The following LRBA variants were observed in gnomAD, a reference collection of about 807,000 sequenced individuals.
The protein encoded by LRBA is lipopolysaccharide-responsive and beige-like anchor protein.
LRBA carries 176 observed loss-of-function variants against 330.0 expected under a neutral mutation model. The observed-to-expected ratio is 0.53, with a 90% CI of 0.47 to 0.60. LRBA has a LOEUF of 0.60. Ranked by LOEUF, LRBA falls within the 20% of genes least tolerant of loss-of-function variation. The pLI is 0.00. For missense variants in LRBA, 3,259 were observed against 3,444.8 expected (o/e 0.95, Z 1.35); for synonymous variants, 1,230 against 1,193.0 (o/e 1.03, Z -0.64).
intron 2 of LRBA, among the ~76,000 whole-genome samples, chr4:150,947,342 G>C (rs1281822575): frequency 6.6e-6 from 1 of 151,548 alleles, no homozygotes; most frequent in African/African-American, 2.4e-5. Context: ...CCATGGCCAA[G>C]TAGATTTTAT....
In LRBA at chr4:150,798,141, A is replaced by G; in HGVS notation, c.5520T>C (p.Ser1840=). 1.3e-6 allele frequency: 2 copies of G among 1,595,310 alleles called. No individual in the cohort carries two copies. Among genetic ancestry groups the G allele is most frequent in the Non-Finnish European group, 1.7e-6 (2 of 1,163,026 alleles). ...HGQELLIEGT[S]LVCMKSSSSV... is the part of the protein sequence containing the mutation. Reference sequence around the variant, plus strand: ...AACTACTCGACTTCATGCAAACCAGACCTATTTTAAAGAGAATTTTAAAAA... The same window carrying G: ...AACTACTCGACTTCATGCAAACCAGGCCTATTTTAAAGAGAATTTTAAAAA... Residue 1840 remains serine, a splice_region_variant and synonymous_variant, in exon 34 of 57, where the codon AGT becomes AGC. Transcript: ENST00000651943.
chr4:150,839,813 C>A (rs945907522), intron 28 of LRBA, among the ~76,000 whole-genome samples: 1 of 151,740 alleles, frequency 6.6e-6, no homozygotes, highest in Admixed American at 6.6e-5. Context: ...GTGCAGCACA[C>A]CAACATGGCA....
Position 150,908,327 on chromosome 4 carries a change from C to G in LRBA, c.1493+7G>C, listed in dbSNP as rs755448994. The G allele has an allele frequency of 6.2e-7, 1 of 1,603,460 alleles. No homozygotes were observed. Among genetic ancestry groups the G allele is most frequent in the South Asian group, 1.1e-5 (1 of 87,944 alleles). The stretch of plus-strand genomic sequence containing the variant: ...AGCCAATTAAAGAAACAAATAAAGG[C>G]ACTCACCATATAGTCAAATCAATCT... On this transcript the variant is annotated splice_region_variant and intron_variant, in intron 11 of 56. Transcript: ENST00000651943.
chr4:150,514,941 C>T (rs533121182), intron 40 of LRBA, among the ~76,000 whole-genome samples: 10 of 152,224 alleles, frequency 6.6e-5, no homozygotes, highest in South Asian at 6.2e-4. Flanking sequence ...AGGTAATTTC[C>T]CACAGAACAG....
intron 37 of LRBA, among the ~76,000 whole-genome samples, chr4:150,658,364 A>G (rs190703639): frequency 6.6e-6 from 1 of 151,168 alleles, no homozygotes; most frequent in Admixed American, 6.6e-5. Flanking sequence ...CAAGCCAAAA[A>G]AAAAAAAAAC....
At chr4:150,925,925 A>G (rs2149503169) in intron 4 of LRBA, among the ~76,000 whole-genome samples, 1 of 152,328 alleles carries the variant, frequency 6.6e-6, no homozygotes, top group Non-Finnish European at 1.5e-5. Context: ...ATCAAACAAA[A>G]ACAGTTTTCA....
At chr4:150,421,855 C>A (rs1748844284) in intron 46 of LRBA, among the ~76,000 whole-genome samples, 1 of 152,086 alleles carries the variant, frequency 6.6e-6, no homozygotes, top group South Asian at 2.1e-4. Context: ...TCAGGCCACT[C>A]TATTCTCATC....
intron 36 of LRBA, among the ~76,000 whole-genome samples, chr4:150,723,408 G>A (rs149497213): frequency 0.012 from 1,898 of 152,234 alleles, 14 homozygotes; most frequent in Non-Finnish European, 0.02. Flanking sequence ...ATGAGGCCCC[G>A]TTCCAGGCCT....
intron 47 of LRBA, among the ~76,000 whole-genome samples, chr4:150,370,584 T>C (rs1388292738): frequency 1.3e-5 from 2 of 152,180 alleles, no homozygotes; most frequent in African/African-American, 4.8e-5. Context: ...ACAGTAAAAC[T>C]ATTCTGTATG....
chr4:150,578,660 T>C (rs1770839566), intron 40 of LRBA, among the ~76,000 whole-genome samples: 1 of 152,228 alleles, frequency 6.6e-6, no homozygotes, highest in Non-Finnish European at 1.5e-5. Context: ...AGACTAAAGT[T>C]TTAAACATCC....
intron 47 of LRBA, among the ~76,000 whole-genome samples, chr4:150,351,676 G>A (rs1389106808): frequency 6.6e-6 from 1 of 152,138 alleles, no homozygotes; most frequent in East Asian, 1.9e-4. Context: ...GTGACAGAGT[G>A]AGACTCCGTC....
chr4:150,587,956 A>G, intron 40 of LRBA, 92 bp downstream of exon 40: 2 of 1,393,060 alleles, frequency 1.4e-6, no homozygotes, highest in Non-Finnish European at 1.9e-6. Flanking sequence ...AAGAAATTCA[A>G]ACTAAGCCTG....
intron 26 of LRBA, among the ~76,000 whole-genome samples, chr4:150,846,168 G>T (rs918080978): frequency 6.6e-6 from 1 of 152,172 alleles, no homozygotes; most frequent in Non-Finnish European, 1.5e-5. Context: ...GACAAATATT[G>T]TATGTTCTCA....
At chr4:150,410,891 A>G (rs1321425217) in intron 47 of LRBA, among the ~76,000 whole-genome samples, 2 of 152,196 alleles carry the variant, frequency 1.3e-5, no homozygotes, top group Admixed American at 1.3e-4. Context: ...CTTGAAGGTT[A>G]TAAGAGGCAG....
chr4:150,717,435 G>A (rs956254490), intron 36 of LRBA, among the ~76,000 whole-genome samples: 2 of 151,810 alleles, frequency 1.3e-5, no homozygotes, highest in South Asian at 4.2e-4. Flanking sequence ...ACCACTTTGG[G>A]AGGCTTGAGC....
intron 34 of LRBA, among the ~76,000 whole-genome samples, chr4:150,792,832 G>A (rs1259191355): frequency 6.6e-6 from 1 of 152,188 alleles, no homozygotes; most frequent in Non-Finnish European, 1.5e-5. Context: ...TGTAATCCCA[G>A]CACTTTGGGA....
chr4:150,388,969 C>T, intron 47 of LRBA, among the ~76,000 whole-genome samples: 1 of 152,060 alleles, frequency 6.6e-6, no homozygotes, highest in East Asian at 1.9e-4. Context: ...TATTAGTAGA[C>T]AAGTCTGTTC....
At chr4:150,661,469 CAAAAA>C (rs563120801) in intron 37 of LRBA, among the ~76,000 whole-genome samples, 3 of 64,968 alleles carry the variant, frequency 4.6e-5, no homozygotes, top group Non-Finnish European at 1.0e-4. Flanking sequence ...GACTCTGTCT[CAAAAA>C]AAAAAAAAAA....
intron 40 of LRBA, among the ~76,000 whole-genome samples, chr4:150,523,758 A>G (rs1174084521): frequency 2.0e-5 from 3 of 151,986 alleles, no homozygotes; most frequent in East Asian, 3.9e-4. Flanking sequence ...CCTCAGAGGG[A>G]GGTGGGAAGA....
Sources: allele counts gnomAD v4.1 joint callset (sites outside exome capture counted in the v4.1 genomes callset), GRCh38; gene constraint gnomAD v4.1.1; transcripts MANE v1.5; gene names NCBI Gene and HGNC (gene_info 2026-07-23, HGNC 2026-07-21).